USP42: variants seen among roughly 807,000 people sequenced by gnomAD.
The protein encoded by USP42 is ubiquitin carboxyl-terminal hydrolase 42.
USP42 carries 23 observed loss-of-function variants against 113.0 expected under a neutral mutation model. That is an observed-to-expected ratio of 0.20 (90% CI 0.15 to 0.29). USP42 has a LOEUF of 0.29. USP42 is among the 10% of genes least tolerant of loss of function. The pLI, the probability that USP42 is intolerant of heterozygous loss-of-function variation, is 1.00. For synonymous variants in USP42, 933 were observed against 699.0 expected (o/e 1.33, Z -5.28); for missense variants, 2,174 against 1,779.8 (o/e 1.22, Z -3.99).
At chr7:6,106,956 G>A (rs188378172) in intron 1 of USP42, among the ~76,000 whole-genome samples, 54 of 152,340 alleles carry the variant, frequency 3.5e-4, no homozygotes, top group Middle Eastern at 3.4e-3. Context: ...GTAATATTTA[G>A]AAGCTTTACT....
chr7:6,157,369 G>A lies in USP42; in HGVS notation c.3943+314G>A, dbSNP rs1782512765. 2 of 1,039,298 alleles carry A rather than the reference G, an allele frequency of 1.9e-6. No homozygotes were observed. Among genetic ancestry groups the A allele is most frequent in the Non-Finnish European group, 2.3e-6 (2 of 865,294 alleles). The allele number at this position is 1,039,298 out of a possible 1,614,324, so 64.4% of individuals were successfully genotyped here. Reference sequence around the variant, plus strand: ...GCCTTGCAAAGGACCAGAACTCTTGGTTTGGTTTGGTTTTATTTTATTTTA... The same window carrying A: ...GCCTTGCAAAGGACCAGAACTCTTGATTTGGTTTGGTTTTATTTTATTTTA... On this transcript the variant is annotated intron_variant, in intron 16 of 17. Coordinates refer to ENST00000306177, the MANE Select transcript of USP42 (RefSeq NM_032172.3). This position sits in a 1 kb window ranked among gnomAD's most constrained non-coding sequence, Gnocchi z 4.1.
the USP42 span, among the ~76,000 whole-genome samples, chr7:6,091,981 CTT>C: frequency 5.8e-4 from 14 of 24,226 alleles, no homozygotes; most frequent in Admixed American, 3.4e-3. Flanking sequence ...CGTATTTTTT[CTT>C]CTTCTTCTTC....
chr7:6,120,397 C>G (rs1780154250), intron 3 of USP42, among the ~76,000 whole-genome samples: 2 of 152,086 alleles, frequency 1.3e-5, no homozygotes, highest in Non-Finnish European at 2.9e-5. Flanking sequence ...CACGCACCAT[C>G]ACTTCTAGCT....
chr7:6,096,667 T>A, the USP42 span, among the ~76,000 whole-genome samples: 5 of 151,318 alleles, frequency 3.3e-5, no homozygotes, highest in Non-Finnish European at 7.3e-5. Context: ...AGTTGATTAA[T>A]CCCTGGAGAT....
At chr7:6,100,938 G>A (rs1241875298), upstream of USP42, among the ~76,000 whole-genome samples, 1 of 151,056 alleles carries the variant, frequency 6.6e-6, no homozygotes, top group Admixed American at 6.6e-5. Flanking sequence ...AAAGGGCTGG[G>A]ACTATAGGTG....
rs368554957 is a variant in USP42 at position 6,111,290 on chromosome 7, T to A, written c.157T>A (p.Ser53Thr). The change falls in exon 2 of 18, where the codon TCT (serine) becomes ACT (threonine). Residue 53 changes from serine (S) to threonine (T), a missense_variant. Transcript: ENST00000306177. Reference sequence around the variant, plus strand: ...GAATGATGTGTCAAATCACACACTTTCTTTAGGACCAGTACCTGGTGCTGT... The same window carrying A: ...GAATGATGTGTCAAATCACACACTTACTTTAGGACCAGTACCTGGTGCTGT... The part of the protein sequence containing the change: ...SLNDVSNHTL[S>T]LGPVPGAVVY... The A allele has an allele frequency of 3.7e-6, 6 of 1,607,654 alleles. No homozygotes were observed. The South Asian group carries it at 6.7e-5, about 18-fold the overall frequency.
intron 3 of USP42, among the ~76,000 whole-genome samples, chr7:6,118,837 C>T (rs559501136): frequency 2.0e-5 from 3 of 152,216 alleles, no homozygotes; most frequent in African/African-American, 7.2e-5. Context: ...CATATCAATA[C>T]GATCTATTTC....
chr7:6,137,035 G>T (rs542599229), intron 4 of USP42, among the ~76,000 whole-genome samples: 1 of 152,172 alleles, frequency 6.6e-6, no homozygotes, highest in African/African-American at 2.4e-5. Context: ...AAATGGGTAA[G>T]TGCATGAAAT....
At chr7:6,142,285 C>T (rs1474451773) in intron 7 of USP42, among the ~76,000 whole-genome samples, 1 of 150,332 alleles carries the variant, frequency 6.7e-6, no homozygotes, top group Non-Finnish European at 1.5e-5. Context: ...GGCTCGATCT[C>T]GGCTCACTGC....
intron 3 of USP42, among the ~76,000 whole-genome samples, chr7:6,129,118 T>C (rs1210180268): frequency 1.3e-5 from 2 of 152,246 alleles, no homozygotes; most frequent in Non-Finnish European, 2.9e-5. Flanking sequence ...GTAGCCTTTT[T>C]AGTGGTCACT....
In USP42 at chr7:6,158,126, G is replaced by A. The variant is rs1782566107; in HGVS notation, c.3943+1071G>A. Among the ~76,000 whole-genome samples, 1 of 152,198 alleles carries A rather than the reference G, an allele frequency of 6.6e-6. No individual in the cohort carries two copies. The highest frequency in any genetic ancestry group is 2.1e-4 in the South Asian group (1 of 4,830). ...TTAAGTGGTTGGAAATAATCCCAAAGAACAATGCGTTTCACATGAAAATGA... is the reference window on the plus strand; with the variant it reads ...TTAAGTGGTTGGAAATAATCCCAAAAAACAATGCGTTTCACATGAAAATGA... On this transcript the variant is annotated intron_variant, in intron 16 of 17. Transcript: ENST00000306177. This position sits in a 1 kb window ranked among gnomAD's most constrained non-coding sequence, Gnocchi z 4.2.
chr7:6,092,123 C>CTT, the USP42 span, among the ~76,000 whole-genome samples: 2 of 128,972 alleles, frequency 1.6e-5, no homozygotes, highest in African/African-American at 6.4e-5. Flanking sequence ...TCTTCCTCTT[C>CTT]CTTCTTCTTC....
chr7:6,133,297 C>T (rs1780950331), intron 3 of USP42, among the ~76,000 whole-genome samples: 1 of 152,108 alleles, frequency 6.6e-6, no homozygotes. Flanking sequence ...TTATGCTGTC[C>T]TTTTACCTTC....
upstream of USP42, among the ~76,000 whole-genome samples, chr7:6,104,490 C>G (rs900520579): frequency 6.6e-6 from 1 of 152,264 alleles, no homozygotes; most frequent in Non-Finnish European, 1.5e-5. Context: ...TTCTCGGAGC[C>G]AAGTCCGTTT....
the USP42 span, among the ~76,000 whole-genome samples, chr7:6,088,157 G>A: frequency 6.6e-6 from 1 of 151,236 alleles, no homozygotes; most frequent in South Asian, 2.1e-4. Flanking sequence ...AAAACTAGCC[G>A]GGTACTGAGC....
intron 2 of USP42, among the ~76,000 whole-genome samples, chr7:6,112,147 C>T (rs558390061): frequency 6.6e-6 from 1 of 152,098 alleles, no homozygotes; most frequent in East Asian, 1.9e-4. Context: ...AGTAATAAAG[C>T]TCTTTGAAAG....
chr7:6,091,956 C>T, the USP42 span, among the ~76,000 whole-genome samples: 19 of 149,328 alleles, frequency 1.3e-4, no homozygotes, highest in Non-Finnish European at 2.7e-4. Context: ...AAAAATCCTA[C>T]TTAGTCCTCA....
intron 17 of USP42, among the ~76,000 whole-genome samples, chr7:6,160,084 C>G (rs1056193327): frequency 1.3e-5 from 2 of 152,236 alleles, no homozygotes; most frequent in African/African-American, 4.8e-5. Context: ...GGTTTTATAC[C>G]TGACCCTTGT....
Position 6,126,989 on chromosome 7 carries a change from A to T in USP42, c.443-8852A>T, listed in dbSNP as rs543888891. ...CCAGCTTCCTTGCATCTTTGCCAACATTTGCTGTTGTCACTAGTGTTCATT... is the reference window on the plus strand; with the variant it reads ...CCAGCTTCCTTGCATCTTTGCCAACTTTTGCTGTTGTCACTAGTGTTCATT... On this transcript the variant is annotated intron_variant, in intron 3 of 17. Coordinates refer to ENST00000306177, the MANE Select transcript of USP42 (RefSeq NM_032172.3). Among the ~76,000 whole-genome samples the T allele has an allele frequency of 5.3e-5, 8 of 152,288 alleles. No homozygotes were observed. The East Asian group carries it at 1.5e-3, about 29-fold the overall frequency.
Sources: allele counts gnomAD v4.1 joint callset (sites outside exome capture counted in the v4.1 genomes callset), GRCh38; gene constraint gnomAD v4.1.1; non-coding constraint Gnocchi (gnomAD v3.1); transcripts MANE v1.5; gene names NCBI Gene and HGNC (gene_info 2026-07-23, HGNC 2026-07-21).